Variants in SOX5 observed in about 807,000 individuals in gnomAD.
SOX5 encodes the protein SRY-box transcription factor 5.
In SOX5, 9 loss-of-function variants were observed where a neutral mutation model predicts 92.0. That is an observed-to-expected ratio of 0.10 (90% CI 0.06 to 0.17). The LOEUF (loss-of-function observed/expected upper bound fraction) is 0.17, where lower values mean the gene tolerates loss of function less well. Ranked by LOEUF, SOX5 falls within the 10% of genes least tolerant of loss-of-function variation. SOX5 has a pLI of 1.00. For missense variants in SOX5, 642 were observed against 944.5 expected, an observed-to-expected ratio of 0.68 and a Z score of 4.20; for synonymous variants, 344 against 336.3, an observed-to-expected ratio of 1.02 and a Z score of -0.25.
chr12:24,294,388 T>C (rs1219893351), intron 2 of SOX5, among the ~76,000 whole-genome samples: 1 of 152,128 alleles, frequency 6.6e-6, no homozygotes, highest in East Asian at 1.9e-4. Context: ...TCTCAGTAAC[T>C]AATATTAATC....
chr12:23,604,210 G>A, intron 9 of SOX5, 177 bp downstream of exon 9: 1 of 586,578 alleles, frequency 1.7e-6, no homozygotes, highest in Non-Finnish European at 3.1e-6. Context: ...ATGAATAAAT[G>A]AATGATTCAA....
At chr12:23,969,592 A>G (rs1039739006) in intron 4 of SOX5, among the ~76,000 whole-genome samples, 2 of 152,170 alleles carry the variant, frequency 1.3e-5, no homozygotes, top group African/African-American at 4.8e-5. Flanking sequence ...GTCTTTATCC[A>G]AATTTTTATT....
At position 24,271,982 on chromosome 12, in the gene SOX5, A is replaced by AC. The variant is rs71448003; in HGVS notation, c.-77+5233_-77+5234insG. Among the ~76,000 whole-genome samples, 1,267 of 150,624 alleles carry AC rather than the reference A, an allele frequency of 8.4e-3. 9 individuals are homozygous for AC. The highest frequency in any genetic ancestry group is 0.016 in the Admixed American group (237 of 15,088). On this transcript the variant is annotated intron_variant, in intron 3 of 4. Transcript: ENST00000446891. Reference sequence around the variant, plus strand: ...TTGTGACATTTCACACACACACACAAACACACACACACACACAATGTACAG... The same window carrying AC: ...TTGTGACATTTCACACACACACACAACACACACACACACACACAATGTACAG...
At chr12:24,121,345 T>C (rs527637750) in intron 4 of SOX5, among the ~76,000 whole-genome samples, 1 of 152,300 alleles carries the variant, frequency 6.6e-6, no homozygotes, top group African/African-American at 2.4e-5. Context: ...TGCTAATTTG[T>C]TATCACATGT....
intron 4 of SOX5, among the ~76,000 whole-genome samples, chr12:24,140,204 G>T (rs1005115567): frequency 1.3e-5 from 2 of 152,050 alleles, no homozygotes; most frequent in Non-Finnish European, 2.9e-5. Context: ...TTCTGATCTC[G>T]ATCATACATA....
At chr12:23,893,866 C>T (rs1026255505) in intron 2 of SOX5, among the ~76,000 whole-genome samples, 4 of 152,142 alleles carry the variant, frequency 2.6e-5, no homozygotes, top group African/African-American at 9.7e-5. Context: ...ACATAACTTA[C>T]GTAAGCTCAC....
At position 24,238,909 on chromosome 12, in the gene SOX5, T is replaced by C. The variant is rs560370736; in HGVS notation, c.-76-25492A>G. Reference sequence around the variant, plus strand: ...CACAATAGAAAGGCTTAATCACATATAAACTGCCTCTCCCAACGTTGTTTT... The same window carrying C: ...CACAATAGAAAGGCTTAATCACATACAAACTGCCTCTCCCAACGTTGTTTT... On this transcript the variant is annotated intron_variant, in intron 3 of 4. Transcript: ENST00000446891. 3.5e-3 allele frequency among the ~76,000 whole-genome samples: 528 copies of C among 152,310 alleles called. 5 individuals are homozygous for C. Among genetic ancestry groups the C allele is most frequent in the Non-Finnish European group, 4.9e-3 (335 of 68,024 alleles).
intron 2 of SOX5, among the ~76,000 whole-genome samples, chr12:23,860,982 T>A (rs2096751060): frequency 3.5e-5 from 4 of 115,114 alleles, no homozygotes; most frequent in Non-Finnish European, 3.6e-5. Context: ...AAAAAAACCC[T>A]GCCAACATAG....
At chr12:23,973,160 C>CTT (rs60609193) in intron 4 of SOX5, among the ~76,000 whole-genome samples, 12,078 of 111,922 alleles carry the variant, frequency 0.11, 770 homozygotes, top group East Asian at 0.21. Context: ...TAACTTTTTT[C>CTT]TTTTTTTTTT....
intron 11 of SOX5, among the ~76,000 whole-genome samples, chr12:23,555,781 C>T (rs891716834): frequency 5.3e-5 from 8 of 152,076 alleles, no homozygotes; most frequent in Non-Finnish European, 7.4e-5. Flanking sequence ...CACTGCTGGA[C>T]GAAAACAGCT....
chr12:24,325,230 G>T lies in SOX5; in HGVS notation c.-174+43333C>A, dbSNP rs547411291. 2.6e-5 allele frequency among the ~76,000 whole-genome samples: 4 copies of T among 152,132 alleles called. 1 individual carries two copies. The highest frequency in any genetic ancestry group is 7.2e-5 in the African/African-American group (3 of 41,530). ...GTTATACACACTAAAATTGTTTACT[G>T]TAAGGATGAAAAAGTAGGCTTTCAG... is the stretch of plus-strand genomic sequence containing the variant. On this transcript the variant is annotated intron_variant, in intron 2 of 4. Coordinates refer to the SOX5 transcript ENST00000446891.
intron 4 of SOX5, among the ~76,000 whole-genome samples, chr12:23,978,866 T>C (rs567234057): frequency 1.1e-3 from 160 of 152,322 alleles, no homozygotes; most frequent in African/African-American, 3.6e-3. Flanking sequence ...ATCCAGACAA[T>C]TAAGTGTTTA....
chr12:24,040,655 G>T (rs1197901637), intron 4 of SOX5, among the ~76,000 whole-genome samples: 1 of 152,264 alleles, frequency 6.6e-6, no homozygotes, highest in East Asian at 1.9e-4. Flanking sequence ...GGTGGATCAC[G>T]AGGTCAGGAG....
intron 1 of SOX5, among the ~76,000 whole-genome samples, chr12:24,514,821 G>A (rs147538260): frequency 2.2e-3 from 342 of 152,184 alleles, no homozygotes; most frequent in African/African-American, 7.7e-3. Flanking sequence ...CAAATATCGC[G>A]TGTTCTCACT....
chr12:24,229,968 G>GT (rs1167484543), intron 3 of SOX5, among the ~76,000 whole-genome samples: 2 of 152,110 alleles, frequency 1.3e-5, no homozygotes, highest in Non-Finnish European at 2.9e-5. Context: ...CCCCTATCTT[G>GT]TTTTTTAATA....
At chr12:23,582,270 C>T (rs1322936602) in intron 9 of SOX5, 4 of 985,124 alleles carry the variant, frequency 4.1e-6, no homozygotes, top group Non-Finnish European at 4.8e-6. Flanking sequence ...TTCTTCACTA[C>T]AGCTCCATAG....
At chr12:24,182,854 C>T (rs774674933) in intron 4 of SOX5, among the ~76,000 whole-genome samples, 8 of 152,142 alleles carry the variant, frequency 5.3e-5, no homozygotes, top group Non-Finnish European at 1.0e-4. Context: ...GCTGGAATTA[C>T]AGGTGCTCAT....
chr12:23,580,338 C>A (rs1949866048), intron 9 of SOX5, among the ~76,000 whole-genome samples: 1 of 151,978 alleles, frequency 6.6e-6, no homozygotes, highest in Non-Finnish European at 1.5e-5. Context: ...CTATATAATT[C>A]TGTTACACAA....
chr12:23,611,638 T>A (rs919148563), intron 8 of SOX5, among the ~76,000 whole-genome samples: 1 of 152,110 alleles, frequency 6.6e-6, no homozygotes, highest in African/African-American at 2.4e-5. Flanking sequence ...GCAATCTGGA[T>A]AAAGGCACAG....
Sources: allele counts gnomAD v4.1 joint callset (sites outside exome capture counted in the v4.1 genomes callset), GRCh38; gene constraint gnomAD v4.1.1; transcripts MANE v1.5; gene names NCBI Gene and HGNC (gene_info 2026-07-23, HGNC 2026-07-21).